DNAH12: variants seen among roughly 807,000 people sequenced by gnomAD.
DNAH12 encodes the protein axonemal beta dynein heavy chain 12.
Under a neutral mutation model 371.5 loss-of-function variants are expected in DNAH12, and 285 were observed. That is an observed-to-expected ratio of 0.77 (90% CI 0.70 to 0.85). The LOEUF (loss-of-function observed/expected upper bound fraction) is 0.85, where lower values mean the gene tolerates loss of function less well. Among genes scored for constraint, DNAH12 ranks in the 40% least tolerant of loss-of-function variants. The probability of loss-of-function intolerance (pLI) is 0.00; values close to 1 mark genes in which losing one functional copy is unlikely to be tolerated. For synonymous variants in DNAH12, 1,200 were observed against 1,213.0 expected, an observed-to-expected ratio of 0.99 and a Z score of 0.22; for missense variants, 3,611 against 3,689.4, an observed-to-expected ratio of 0.98 and a Z score of 0.55.
intron 65 of DNAH12, among the ~76,000 whole-genome samples, chr3:57,314,858 C>CT (rs1202801081): frequency 2.0e-5 from 3 of 152,074 alleles, no homozygotes; most frequent in Non-Finnish European, 2.9e-5. Flanking sequence ...AATATTAAGC[C>CT]TTGTTAAAAT....
rs539816766 is a variant in DNAH12 at position 57,446,541 on chromosome 3, C to T, written c.3935G>A (p.Gly1312Glu). 1.1e-5 allele frequency: 17 copies of T among 1,525,172 alleles called. No homozygotes were observed. Among genetic ancestry groups the T allele is most frequent in the Middle Eastern group, 1.7e-4 (1 of 5,888 alleles). 94.5% of individuals were successfully genotyped at this position (1,525,172 alleles called of 1,614,324 possible). A position where few individuals can be genotyped will look rare whatever the true frequency, so the allele number is the denominator to read the frequency against. ...TTGATTCAGCAATTTAACTACCTTT[C>T]CCATTGCTAGATAATCTAGCCCATC... ...CSDGLDYLAMGKFFKGLASSG... is the reference protein window; with the variant it reads ...CSDGLDYLAMEKFFKGLASSG... The change falls in exon 26 of 74, where the codon GGA (glycine) becomes GAA (glutamate). Residue 1312 changes from glycine to glutamate, a missense_variant. Gly to Glu is a moderately conservative substitution (Grantham distance 98). Around this residue, in one of 3 missense-constraint regions of DNAH12, gnomAD observed 2,266 missense variants for 2,236.9 expected, o/e 1.01. Transcript: ENST00000495027.
At chr3:57,388,206 G>A (rs920119273) in intron 45 of DNAH12, among the ~76,000 whole-genome samples, 7 of 151,934 alleles carry the variant, frequency 4.6e-5, no homozygotes, top group African/African-American at 1.5e-4. Flanking sequence ...CCTCCATGTG[G>A]TTCATGCTGT....
At chr3:57,464,577 A>G (rs1337249963) in intron 17 of DNAH12, among the ~76,000 whole-genome samples, 1 of 152,170 alleles carries the variant, frequency 6.6e-6, no homozygotes, top group Non-Finnish European at 1.5e-5. Context: ...ATAATACTTC[A>G]ATGCAAAGAC....
At chr3:57,465,982 A>G (rs1011117557) in intron 17 of DNAH12, among the ~76,000 whole-genome samples, 4 of 152,092 alleles carry the variant, frequency 2.6e-5, no homozygotes, top group Non-Finnish European at 4.4e-5. Context: ...TATAACTTCT[A>G]TGGAGGGTAA....
At chr3:57,379,842 C>CAAAAAAAAAAAAAAAAA (rs1170490495) in intron 51 of DNAH12, among the ~76,000 whole-genome samples, 1 of 22,380 alleles carries the variant, frequency 4.5e-5, no homozygotes, top group African/African-American at 1.3e-4. Flanking sequence ...CTCTGTCTCC[C>CAAAAAAAAAAAAAAAAA]AAAAAAAAAA....
At chr3:57,399,443 C>T (rs2063811258) in intron 43 of DNAH12, among the ~76,000 whole-genome samples, 3 of 151,732 alleles carry the variant, frequency 2.0e-5, no homozygotes, top group African/African-American at 7.3e-5. Context: ...CATTTTAGAT[C>T]CAAGGAAATA....
intron 9 of DNAH12, among the ~76,000 whole-genome samples, chr3:57,503,116 A>G (rs1211602665): frequency 6.6e-6 from 1 of 152,230 alleles, no homozygotes; most frequent in Non-Finnish European, 1.5e-5. Flanking sequence ...GGCCAGGTGC[A>G]GTAGCACATG....
At chr3:57,432,962 T>C (rs879517147) in intron 32 of DNAH12, among the ~76,000 whole-genome samples, 2 of 152,194 alleles carry the variant, frequency 1.3e-5, no homozygotes, top group African/African-American at 2.4e-5. Flanking sequence ...AGTTCTTTTG[T>C]ATATCTCATA....
intron 40 of DNAH12, among the ~76,000 whole-genome samples, chr3:57,407,789 T>C (rs547017572): frequency 6.6e-6 from 1 of 152,314 alleles, no homozygotes; most frequent in Admixed American, 6.5e-5. Context: ...CCCTTGTATT[T>C]CTCTTTTATA....
intron 4 of DNAH12, 25 bp from the exon 5 acceptor site, chr3:57,511,004 T>G (rs780570863): frequency 6.5e-7 from 1 of 1,548,270 alleles, no homozygotes; most frequent in African/African-American, 1.4e-5. Flanking sequence ...AAAAATTAAA[T>G]GTTCTGCATG....
In DNAH12 at chr3:57,509,880, AAAAAAAAAAAG is replaced by A. The variant is rs1189832572; in HGVS notation, c.470-679_470-669del. ...CCATCATAAAAAAAAAAAAAAAAAA[AAAAAAAAAAAG>A]AAAGCAATTATACAACATAGTGACT... On this transcript the variant is annotated intron_variant, in intron 5 of 73. Transcript: ENST00000495027. 2.7e-3 allele frequency among the ~76,000 whole-genome samples: 406 copies of A among 150,060 alleles called. 4 individuals carry two copies. Among genetic ancestry groups the A allele is most frequent in the African/African-American group, 9.6e-3 (390 of 40,824 alleles).
intron 39 of DNAH12, among the ~76,000 whole-genome samples, chr3:57,408,937 G>T (rs1420597395): frequency 6.6e-6 from 1 of 152,086 alleles, no homozygotes; most frequent in Non-Finnish European, 1.5e-5. Context: ...TGTGCTTGTT[G>T]TACCGAAGTA....
In DNAH12 at chr3:57,509,155, A is replaced by G. The variant is rs929573381; in HGVS notation, c.527T>C (p.Leu176Ser). 4 of 1,613,150 alleles carry G rather than the reference A, an allele frequency of 2.5e-6. No individual in the cohort carries two copies. Among genetic ancestry groups the G allele is most frequent in the Middle Eastern group, 1.6e-4 (1 of 6,078 alleles). ...ATTTACTCACACAGGAGATTCAGGTAAAGGACCTCCTTCATCTTCAAGCGA... is the reference window on the plus strand; with the variant it reads ...ATTTACTCACACAGGAGATTCAGGTGAAGGACCTCCTTCATCTTCAAGCGA... ...VKSLEDEGGP[L>S]PESPVGLDYS... Residue 176 changes from leucine to serine, a missense_variant, in exon 6 of 74, where the codon TTA (leucine) becomes TCA (serine). Leu to Ser is a moderately radical substitution (Grantham distance 145, BLOSUM62 -2). Coordinates refer to ENST00000495027, the MANE Select transcript of DNAH12 (RefSeq NM_001366028.2).
At chr3:57,425,838 G>A (rs1404341338) in intron 34 of DNAH12, among the ~76,000 whole-genome samples, 1 of 152,018 alleles carries the variant, frequency 6.6e-6, no homozygotes, top group African/African-American at 2.4e-5. Flanking sequence ...TACCTATGTG[G>A]CAAGCTAGGA....
intron 4 of DNAH12, among the ~76,000 whole-genome samples, chr3:57,514,393 CAAA>C (rs768971639): frequency 2.6e-5 from 2 of 77,202 alleles, no homozygotes. Flanking sequence ...GACTCTGTCT[CAAA>C]AAAAAAAAAA....
intron 45 of DNAH12, among the ~76,000 whole-genome samples, chr3:57,389,822 G>GTGTATATATATATATATA (rs1326306277): frequency 2.2e-5 from 1 of 45,816 alleles, no homozygotes; most frequent in Non-Finnish European, 7.1e-5. Flanking sequence ...GTGTGTGTGT[G>GTGTATATATATATATATA]TATATATATA....
intron 18 of DNAH12, among the ~76,000 whole-genome samples, chr3:57,462,068 C>T (rs80131885): frequency 0.026 from 3,921 of 152,246 alleles, 67 homozygotes; most frequent in Non-Finnish European, 0.034. Flanking sequence ...TGCTAGAACA[C>T]ATACATATCA....
chr3:57,510,748 G>A, intron 5 of DNAH12, 42 bp downstream of exon 5: 1 of 1,586,436 alleles, frequency 6.3e-7, no homozygotes, highest in South Asian at 1.1e-5. Context: ...ACGGGGGGAG[G>A]CCAAGGTGAA....
the DNAH12 span, among the ~76,000 whole-genome samples, chr3:57,553,990 A>G: frequency 2.0e-5 from 3 of 151,652 alleles, no homozygotes; most frequent in African/African-American, 4.9e-5. Context: ...GCGCCCGGCT[A>G]ATTTTTGTAT....
Sources: gnomAD v4.1 joint callset for allele counts (sites outside exome capture counted in the v4.1 genomes callset) on GRCh38, gnomAD v4.1.1 for gene constraint, gnomAD v4.1.1 regional missense constraint, MANE v1.5 for transcripts, NCBI Gene and HGNC (gene_info 2026-07-23, HGNC 2026-07-21) for gene names.